LRP1B: variants seen among roughly 807,000 people sequenced by gnomAD.
The protein encoded by LRP1B is low-density lipoprotein receptor-related protein 1B.
Under a neutral mutation model 556.6 loss-of-function variants are expected in LRP1B, and 217 were observed. That is an observed-to-expected ratio of 0.39 (90% CI 0.35 to 0.44). LRP1B has a LOEUF of 0.44. LRP1B is among the 20% of genes least tolerant of loss of function. The probability of loss-of-function intolerance (pLI) is 1.00; values close to 1 mark genes in which losing one functional copy is unlikely to be tolerated. For missense variants in LRP1B, 5,053 were observed against 5,620.8 expected, an observed-to-expected ratio of 0.90 and a Z score of 3.23; for synonymous variants, 2,047 against 1,865.8, an observed-to-expected ratio of 1.10 and a Z score of -2.50.
intron 2 of LRP1B, among the ~76,000 whole-genome samples, chr2:141,516,096 C>A (rs1288541492): frequency 6.6e-6 from 1 of 152,146 alleles, no homozygotes; most frequent in East Asian, 1.9e-4. Flanking sequence ...ATTATCATTA[C>A]AGAGATTTCA....
At chr2:142,106,124 A>C (rs1399850828) in intron 1 of LRP1B, among the ~76,000 whole-genome samples, 1 of 152,186 alleles carries the variant, frequency 6.6e-6, no homozygotes, top group East Asian at 1.9e-4. Context: ...CACATTTTTC[A>C]AAGTACAATT....
At position 140,326,315 on chromosome 2, in the gene LRP1B, G is replaced by A. The variant is rs191072993; in HGVS notation, c.12224-437C>T. ...ATGTATTTTTAATTCCTTCACGAAG[G>A]TACAGTTCTCAGAATATACAAGGTT... On this transcript the variant is annotated intron_variant, in intron 79 of 90. Coordinates refer to ENST00000389484, the MANE Select transcript of LRP1B (RefSeq NM_018557.3). Among the ~76,000 whole-genome samples, 231 of 151,108 alleles carry A rather than the reference G, an allele frequency of 1.5e-3. 1 individual carries two copies. The highest frequency in any genetic ancestry group is 3.4e-3 in the Middle Eastern group (1 of 294).
At chr2:142,062,639 A>G (rs1704963633) in intron 1 of LRP1B, among the ~76,000 whole-genome samples, 1 of 151,848 alleles carries the variant, frequency 6.6e-6, no homozygotes, top group Non-Finnish European at 1.5e-5. Context: ...CAAAATTTTG[A>G]CAACTAAATT....
intron 7 of LRP1B, among the ~76,000 whole-genome samples, chr2:141,145,308 C>T (rs1023407821): frequency 6.6e-6 from 1 of 152,008 alleles, no homozygotes; most frequent in African/African-American, 2.4e-5. Flanking sequence ...AATTATATCA[C>T]AGAACTTGAG....
intron 1 of LRP1B, among the ~76,000 whole-genome samples, chr2:141,847,140 A>G (rs925211677): frequency 5.3e-5 from 8 of 151,724 alleles, no homozygotes; most frequent in African/African-American, 1.7e-4. Flanking sequence ...AAGAGAACTC[A>G]GCAAGTTTGC....
At chr2:140,468,776 G>T (rs1463085302) in intron 60 of LRP1B, among the ~76,000 whole-genome samples, 1 of 152,196 alleles carries the variant, frequency 6.6e-6, no homozygotes, top group Non-Finnish European at 1.5e-5. Context: ...CTTAAGAAAA[G>T]ATTATCTTGG....
intron 2 of LRP1B, among the ~76,000 whole-genome samples, chr2:141,634,639 G>T (rs1012558202): frequency 3.3e-5 from 5 of 151,812 alleles, no homozygotes; most frequent in Non-Finnish European, 5.9e-5. Context: ...ATATTGTAAA[G>T]CATATATCCA....
chr2:141,367,475 T>G (rs1345902322), intron 3 of LRP1B, among the ~76,000 whole-genome samples: 1 of 105,988 alleles, frequency 9.4e-6, no homozygotes, highest in African/African-American at 4.2e-5. Flanking sequence ...GAAATGCTTT[T>G]TTTTTTTTTT....
intron 84 of LRP1B, among the ~76,000 whole-genome samples, chr2:140,288,609 T>C (rs1297396370): frequency 6.6e-6 from 1 of 151,924 alleles, no homozygotes; most frequent in Non-Finnish European, 1.5e-5. Context: ...ATTTATGTGC[T>C]ACATTGTTTT....
chr2:141,715,980 A>G (rs1244990419), intron 2 of LRP1B, among the ~76,000 whole-genome samples: 2 of 152,188 alleles, frequency 1.3e-5, no homozygotes, highest in Non-Finnish European at 2.9e-5. Context: ...CTATTTGTTG[A>G]TAGTCAAAGT....
At chr2:141,753,777 T>A (rs953342217) in intron 2 of LRP1B, among the ~76,000 whole-genome samples, 4 of 152,138 alleles carry the variant, frequency 2.6e-5, no homozygotes, top group Non-Finnish European at 4.4e-5. Context: ...CTCAGTGCAA[T>A]TACACTATAT....
At chr2:140,353,369 TA>T (rs560181097) in intron 75 of LRP1B, among the ~76,000 whole-genome samples, 63 of 152,204 alleles carry the variant, frequency 4.1e-4, no homozygotes, top group Non-Finnish European at 5.4e-4. Context: ...TTTACTTATT[TA>T]TTTTTTTACC....
chr2:141,209,581 A>G (rs1326551693), intron 6 of LRP1B, among the ~76,000 whole-genome samples: 1 of 152,240 alleles, frequency 6.6e-6, no homozygotes, highest in African/African-American at 2.4e-5. Context: ...ACATGCTAAT[A>G]GCATTATAAT....
chr2:142,012,489 G>T (rs181376282), intron 1 of LRP1B, among the ~76,000 whole-genome samples: 2 of 152,084 alleles, frequency 1.3e-5, no homozygotes, highest in Admixed American at 1.3e-4. Context: ...GTCAACTATG[G>T]TAATGACAAT....
At chr2:140,772,402 C>T (rs1689344902) in intron 33 of LRP1B, among the ~76,000 whole-genome samples, 1 of 151,986 alleles carries the variant, frequency 6.6e-6, no homozygotes, top group Non-Finnish European at 1.5e-5. Flanking sequence ...CTCCGCTTCC[C>T]AGGTTCAAGC....
chr2:140,511,292 C>CTTTTTTTTT lies in LRP1B; in HGVS notation c.8270-1245_8270-1237dup, dbSNP rs70985101. ...TATCAAAATACAATCCTCTAAGGGT[C>CTTTTTTTTT]TTTTTTTTTTTTTTTTTTTTTTTTT... On this transcript the variant is annotated intron_variant, in intron 51 of 90. Transcript: ENST00000389484. Among the ~76,000 whole-genome samples, 149 of 58,456 alleles carry CTTTTTTTTT rather than the reference C, an allele frequency of 2.5e-3. 34 individuals carry two copies. Among genetic ancestry groups the CTTTTTTTTT allele is most frequent in the African/African-American group, 0.01 (148 of 14,238 alleles). 38.3% of individuals were successfully genotyped at this position (58,456 alleles called of 152,430 possible). A position where few individuals can be genotyped will look rare whatever the true frequency, so the allele number is the denominator to read the frequency against.
rs185272917 is a variant in LRP1B, at chr2:141,419,629, A to T, written c.343+60767T>A. On this transcript the variant is annotated intron_variant, in intron 3 of 90. Coordinates refer to ENST00000389484, the MANE Select transcript of LRP1B (RefSeq NM_018557.3). The stretch of plus-strand genomic sequence containing the variant: ...AACAATCTGTAATGTCTCCTTTTTC[A>T]TTTCTGATTTTATGAGTCTTCTCTC... Among the ~76,000 whole-genome samples, 98 of 151,874 alleles carry T rather than the reference A, an allele frequency of 6.5e-4. 1 individual carries two copies. Among genetic ancestry groups the T allele is most frequent in the African/African-American group, 2.3e-3 (96 of 41,452 alleles).
chr2:141,415,106 C>T (rs1691042010), intron 3 of LRP1B, among the ~76,000 whole-genome samples: 1 of 152,176 alleles, frequency 6.6e-6, no homozygotes, highest in African/African-American at 2.4e-5. Flanking sequence ...ACTCCGCCTC[C>T]CGGGTTCACG....
At chr2:140,772,588 G>C (rs1299510197) in intron 33 of LRP1B, among the ~76,000 whole-genome samples, 2 of 152,060 alleles carry the variant, frequency 1.3e-5, no homozygotes, top group African/African-American at 4.8e-5. Context: ...GGGATTACAG[G>C]ATGAGTCACT....
Sources: gnomAD v4.1 joint callset for allele counts (sites outside exome capture counted in the v4.1 genomes callset) on GRCh38, gnomAD v4.1.1 for gene constraint, MANE v1.5 for transcripts, NCBI Gene and HGNC (gene_info 2026-07-23, HGNC 2026-07-21) for gene names.